Variants in RSPH3 observed in about 807,000 individuals in gnomAD.
RSPH3 encodes the protein radial spoke head protein 3 homolog.
A neutral mutation model predicts 43.8 loss-of-function variants in RSPH3; 21 were observed. That is an observed-to-expected ratio of 0.48 (90% CI 0.34 to 0.69). The LOEUF (loss-of-function observed/expected upper bound fraction) is 0.69. Ranked by LOEUF, RSPH3 falls within the 30% of genes least tolerant of loss-of-function variation. The pLI is 0.01. For missense variants in RSPH3, 487 were observed against 516.0 expected, an observed-to-expected ratio of 0.94 and a Z score of 0.54; for synonymous variants, 173 against 179.8, an observed-to-expected ratio of 0.96 and a Z score of 0.30.
chr6:158,980,756 A>G lies in RSPH3; in HGVS notation c.859+18T>C. The G allele has an allele frequency of 6.3e-7, 1 of 1,599,476 alleles. No individual in the cohort carries two copies. The highest frequency in any genetic ancestry group is 8.6e-7 in the Non-Finnish European group (1 of 1,168,326). On this transcript the variant is annotated intron_variant, in intron 6 of 7. Coordinates refer to ENST00000367069, the MANE Select transcript of RSPH3 (RefSeq NM_031924.8). ...TGCTTATTACAACAAAATTAATCTA[A>G]CAAAAATATCTACAAACCTCTTTCA...
rs1035647271 is a variant in RSPH3 at position 158,977,228 on chromosome 6, G to A, written c.*310C>T. On this transcript the variant is annotated 3_prime_UTR_variant, in exon 8 of 8. Coordinates refer to ENST00000367069, the MANE Select transcript of RSPH3 (RefSeq NM_031924.8). ...CATACTTACTAAAAAAAACTAACCC[G>A]CAAAATTAGAAGGGCTAAGGAAAAA... is the stretch of plus-strand genomic sequence containing the variant. 5 of 274,672 alleles carry A rather than the reference G, an allele frequency of 1.8e-5. No homozygotes were observed. The Admixed American group carries it at 1.9e-4, about 11-fold the overall frequency. The allele number at this position is 274,672 out of a possible 1,614,324, so 17.0% of individuals were successfully genotyped here.
rs750203823 is a variant in RSPH3 at position 158,989,300 on chromosome 6, G to C, written c.205-2879C>G. 1.3e-5 allele frequency among the ~76,000 whole-genome samples: 2 copies of C among 152,084 alleles called. No individual in the cohort carries two copies. Among genetic ancestry groups the C allele is most frequent in the African/African-American group, 4.8e-5 (2 of 41,408 alleles). On this transcript the variant is annotated intron_variant, in intron 2 of 7. Coordinates refer to ENST00000367069, the MANE Select transcript of RSPH3 (RefSeq NM_031924.8). This position sits in a 1 kb window ranked among gnomAD's most constrained non-coding sequence, Gnocchi z 4.3. ...GACCTCAAGCGATCTGCCTGCCTTG[G>C]CCTCCCAAAGTGCTGGGATTACAGG...
intron 3 of RSPH3, among the ~76,000 whole-genome samples, chr6:158,985,605 A>T (rs1778202086): frequency 6.6e-6 from 1 of 151,828 alleles, no homozygotes; most frequent in African/African-American, 2.4e-5. Flanking sequence ...CAATTTTAAA[A>T]TTTTTTTGTA....
intron 6 of RSPH3, 71 bp downstream of exon 6, chr6:158,980,703 A>T (rs750939550): frequency 6.0e-5 from 74 of 1,227,400 alleles, no homozygotes; most frequent in Non-Finnish European, 8.2e-5. Flanking sequence ...AAAAATGGAC[A>T]TAAGATAAAT....
intron 2 of RSPH3, among the ~76,000 whole-genome samples, chr6:158,992,057 T>G (rs1778425710): frequency 6.6e-6 from 1 of 151,126 alleles, no homozygotes; most frequent in African/African-American, 2.4e-5. Context: ...ACTGTTTTTT[T>G]TTTTTTTTTT....
chr6:158,971,728 T>C (rs1440194762), downstream of RSPH3, among the ~76,000 whole-genome samples: 1 of 152,180 alleles, frequency 6.6e-6, no homozygotes, highest in African/African-American at 2.4e-5. Flanking sequence ...CTTCGTGACA[T>C]TGCAGCTGCT....
chr6:158,978,358 G>A lies in RSPH3; in HGVS notation c.860-12C>T. 1 of 1,273,802 alleles carries A rather than the reference G, an allele frequency of 7.9e-7. No individual in the cohort carries two copies. The highest frequency in any genetic ancestry group is 1.1e-6 in the Non-Finnish European group (1 of 879,286). 78.9% of individuals were successfully genotyped at this position (1,273,802 alleles called of 1,614,324 possible). ...TCCTATCTCAATATCTGTAATAAAA[G>A]AATTCATTGATTTTCATGTATTATC... On this transcript the variant is annotated splice_polypyrimidine_tract_variant and intron_variant, in intron 6 of 7. Transcript: ENST00000367069.
rs137930351 is a variant in RSPH3 at position 158,999,685 on chromosome 6, A to G, written c.-135T>C. On this transcript the variant is annotated 5_prime_UTR_variant, in exon 1 of 8. Coordinates refer to ENST00000367069, the MANE Select transcript of RSPH3 (RefSeq NM_031924.8). ...CGCGACGCGAGGAGAGGCGACAACA[A>G]GGGAGGCGGGCGGGACGGGAGGTTA... 1.2e-6 allele frequency: 2 copies of G among 1,613,954 alleles called. No homozygotes were observed. Among genetic ancestry groups the G allele is most frequent in the East Asian group, 2.2e-5 (1 of 44,872 alleles).
chr6:158,993,501 A>G (rs1254713589), intron 2 of RSPH3, among the ~76,000 whole-genome samples: 2 of 150,176 alleles, frequency 1.3e-5, no homozygotes, highest in Admixed American at 1.3e-4. Context: ...TATCACCTTA[A>G]CCATTTTTAA....
At chr6:158,996,951 T>G (rs1208461075) in intron 1 of RSPH3, among the ~76,000 whole-genome samples, 9 of 152,168 alleles carry the variant, frequency 5.9e-5, no homozygotes, top group Admixed American at 5.9e-4. Context: ...GTTCTCGCAG[T>G]AGTGAGGGAA....
chr6:159,000,181 G>C lies in RSPH3; in HGVS notation c.-631C>G. Reference sequence around the variant, plus strand: ...CCCTGGCAGCCAGGCTCCCAGCTCTGTTACGTGCCCGGGCGGGGAAGAGCT... The same window carrying C: ...CCCTGGCAGCCAGGCTCCCAGCTCTCTTACGTGCCCGGGCGGGGAAGAGCT... On this transcript the variant is annotated 5_prime_UTR_variant, in exon 1 of 8. Transcript: ENST00000367069. The C allele has an allele frequency of 1.8e-6, 1 of 556,354 alleles. No individual in the cohort carries two copies. Among genetic ancestry groups the C allele is most frequent in the South Asian group, 2.6e-5 (1 of 39,162 alleles). 34.5% of individuals were successfully genotyped at this position (556,354 alleles called of 1,614,324 possible). A position where few individuals can be genotyped will look rare whatever the true frequency, so the allele number is the denominator to read the frequency against.
Position 158,977,813 on chromosome 6 carries a change from TACAC to T in RSPH3, c.978_981del (p.Tyr329SerfsTer22). On this transcript the variant is annotated frameshift_variant, in exon 8 of 8. Coordinates refer to ENST00000367069, the MANE Select transcript of RSPH3 (RefSeq NM_031924.8). LOFTEE classifies it low-confidence loss of function (END_TRUNC). ...TGTGTGTCTTCCCCATGCTCATACATACACAGCCTCTTTTCAACCACCTCACGGA... is the reference window on the plus strand; with the variant it reads ...TGTGTGTCTTCCCCATGCTCATACATAGCCTCTTTTCAACCACCTCACGGA... 1 of 1,613,422 alleles carries T rather than the reference TACAC, an allele frequency of 6.2e-7. No individual in the cohort carries two copies.
At chr6:158,984,434 TTATATATATATATATATATATATATATA>T (rs55999313) in intron 3 of RSPH3, among the ~76,000 whole-genome samples, 2 of 63,708 alleles carry the variant, frequency 3.1e-5, no homozygotes, top group Admixed American at 2.1e-4. Context: ...AAAAAGTCAA[TTATATATATATATATATATATATATATA>T]TATATATATA....
chr6:158,976,823 C>CTT lies in RSPH3; in HGVS notation c.*713_*714dup. ...TTTAGGCATTCTCTCTCTTTTTTTT[C>CTT]TTTTTTTTTTGAGACGGAGTTTTGC... is the stretch of plus-strand genomic sequence containing the variant. On this transcript the variant is annotated 3_prime_UTR_variant, in exon 8 of 8. Transcript: ENST00000367069. 6.8e-6 allele frequency: 1 copy of CTT among 146,532 alleles called. No homozygotes were observed. Among genetic ancestry groups the CTT allele is most frequent in the Non-Finnish European group, 1.5e-5 (1 of 66,712 alleles). The allele number at this position is 146,532 out of a possible 1,614,324, so 9.1% of individuals were successfully genotyped here. A position where few individuals can be genotyped will look rare whatever the true frequency, so the allele number is the denominator to read the frequency against.
rs1777897875 is a variant in RSPH3 at position 158,977,779 on chromosome 6, G to A, written c.1016C>T (p.Pro339Leu). ...ACCACCAGGCTCATCCTCGGGTTCT[G>A]GAGACTGATGTGTGTCTTCCCCATG... Reference protein sequence around the residue: ...YEHGEDTHQSPEPEDEPGGPG... With the variant: ...YEHGEDTHQSLEPEDEPGGPG... Residue 339 changes from proline to leucine, a missense_variant, in exon 8 of 8, where the codon CCA becomes CTA. Physicochemically the swap from Pro to Leu is moderately conservative, Grantham distance 98. Coordinates refer to ENST00000367069, the MANE Select transcript of RSPH3 (RefSeq NM_031924.8). 6 of 1,613,986 alleles carry A rather than the reference G, an allele frequency of 3.7e-6. No homozygotes were observed. The highest frequency in any genetic ancestry group is 3.3e-4 in the Middle Eastern group (2 of 6,084).
intron 6 of RSPH3, among the ~76,000 whole-genome samples, chr6:158,979,878 T>C (rs1221180668): frequency 2.6e-5 from 4 of 152,114 alleles, no homozygotes; most frequent in African/African-American, 9.7e-5. Context: ...ACGTGGACTT[T>C]GAGGGGATAC....
the RSPH3 span, among the ~76,000 whole-genome samples, chr6:158,966,368 C>G: frequency 6.6e-6 from 1 of 152,122 alleles, no homozygotes; most frequent in Non-Finnish European, 1.5e-5. Context: ...AACTGTTCCC[C>G]TCTTCTTTTT....
chr6:158,999,634 G>T lies in RSPH3; in HGVS notation c.-84C>A, dbSNP rs1480474887. 6 of 1,613,970 alleles carry T rather than the reference G, an allele frequency of 3.7e-6. No individual in the cohort carries two copies. The highest frequency in any genetic ancestry group is 2.2e-5 in the East Asian group (1 of 44,890). On this transcript the variant is annotated 5_prime_UTR_variant, in exon 1 of 8. Transcript: ENST00000367069. ...AAGGTGTTGTGGGACCCGGAGAGAT[G>T]TAAGTAGTGCCAAGGGCAAGGATTC...
chr6:158,979,381 G>C (rs1375660499), intron 6 of RSPH3, among the ~76,000 whole-genome samples: 1 of 152,000 alleles, frequency 6.6e-6, no homozygotes, highest in Non-Finnish European at 1.5e-5. Context: ...ATAGAAAAAA[G>C]GCTACTGGTC....
Sources: allele counts gnomAD v4.1 joint callset (sites outside exome capture counted in the v4.1 genomes callset), GRCh38; gene constraint gnomAD v4.1.1; non-coding constraint Gnocchi (gnomAD v3.1); transcripts MANE v1.5; gene names NCBI Gene and HGNC (gene_info 2026-07-23, HGNC 2026-07-21).